GPC5: variants seen among roughly 807,000 people sequenced by gnomAD.
GPC5 encodes the protein glypican 5.
A neutral mutation model predicts 53.9 loss-of-function variants in GPC5; 47 were observed. The observed-to-expected ratio is 0.87, with a 90% confidence interval of 0.69 to 1.11. The LOEUF is 1.11. GPC5 is among the 50% of genes most tolerant of loss of function. The pLI, the probability that GPC5 is intolerant of heterozygous loss-of-function variation, is 0.00. For missense variants in GPC5, 748 were observed against 713.1 expected, an observed-to-expected ratio of 1.05 and a Z score of -0.56; for synonymous variants, 286 against 263.3, an observed-to-expected ratio of 1.09 and a Z score of -0.84.
At position 91,989,368 on chromosome 13, in the gene GPC5, C is replaced by T. The variant is rs543197431; in HGVS notation, c.1401+81311C>T. 7.2e-5 allele frequency among the ~76,000 whole-genome samples: 11 copies of T among 152,270 alleles called. No individual in the cohort carries two copies. The South Asian group carries it at 2.1e-3, about 29-fold the overall frequency. On this transcript the variant is annotated intron_variant, in intron 6 of 7. Transcript: ENST00000377067. ...GTAAGATGAATATGATGGCCTTTGA[C>T]GTATACTGCAATGTTGTAATCAAAA...
chr13:92,015,497 T>C (rs1271783899), intron 6 of GPC5, among the ~76,000 whole-genome samples: 1 of 152,090 alleles, frequency 6.6e-6, no homozygotes, highest in African/African-American at 2.4e-5. Flanking sequence ...GTAAGTAAAT[T>C]GAAAAGCAAA....
chr13:92,684,358 C>G (rs1887195873), intron 7 of GPC5, among the ~76,000 whole-genome samples: 2 of 152,098 alleles, frequency 1.3e-5, no homozygotes, highest in South Asian at 4.1e-4. Context: ...ACAACCTCCA[C>G]CTCCTGGGCT....
intron 2 of GPC5, among the ~76,000 whole-genome samples, chr13:91,508,579 T>G (rs1452511293): frequency 6.6e-6 from 1 of 152,112 alleles, no homozygotes; most frequent in Non-Finnish European, 1.5e-5. Context: ...GGACATGAAG[T>G]TCTATTTATT....
chr13:92,197,005 C>T (rs1040859638), intron 7 of GPC5, among the ~76,000 whole-genome samples: 1 of 152,142 alleles, frequency 6.6e-6, no homozygotes, highest in Non-Finnish European at 1.5e-5. Flanking sequence ...CAATATGAAT[C>T]GTGCAACAAA....
chr13:92,745,893 T>C (rs1054327036), intron 7 of GPC5, among the ~76,000 whole-genome samples: 1 of 152,132 alleles, frequency 6.6e-6, no homozygotes, highest in Non-Finnish European at 1.5e-5. Context: ...TCTTATATTA[T>C]TGGATAACAT....
At position 91,967,027 on chromosome 13, in the gene GPC5, G is replaced by A. The variant is rs371830403; in HGVS notation, c.1401+58970G>A. Among the ~76,000 whole-genome samples, 16 of 152,262 alleles carry A rather than the reference G, an allele frequency of 1.1e-4. No homozygotes were observed. In the East Asian group the frequency reaches 3.1e-3, roughly 29 times the overall value. ...TCACGCTACTGATAAAGATATACCT[G>A]AGACTGAGTAATTTATAAAGAAAAA... is the stretch of plus-strand genomic sequence containing the variant. On this transcript the variant is annotated intron_variant, in intron 6 of 7. Transcript: ENST00000377067.
intron 2 of GPC5, among the ~76,000 whole-genome samples, chr13:91,667,515 C>G (rs1324093645): frequency 6.6e-6 from 1 of 152,172 alleles, no homozygotes; most frequent in African/African-American, 2.4e-5. Context: ...CTGCAGCTGT[C>G]AGACTGCTAG....
At chr13:91,953,290 G>C (rs1012751316) in intron 6 of GPC5, among the ~76,000 whole-genome samples, 1 of 152,102 alleles carries the variant, frequency 6.6e-6, no homozygotes, top group Admixed American at 6.5e-5. Context: ...TTGAAGTTAG[G>C]AGTTATTTTT....
intron 7 of GPC5, among the ~76,000 whole-genome samples, chr13:92,353,689 G>A (rs1343235070): frequency 6.6e-6 from 1 of 152,150 alleles, no homozygotes; most frequent in Non-Finnish European, 1.5e-5. Flanking sequence ...ATGCACAAAA[G>A]TTTAAGATTA....
chr13:92,445,724 G>A lies in GPC5; in HGVS notation c.1561+300735G>A, dbSNP rs370828606. Among the ~76,000 whole-genome samples, 66 of 151,850 alleles carry A rather than the reference G, an allele frequency of 4.3e-4. 1 individual carries two copies. The East Asian group carries it at 5.1e-3, about 12-fold the overall frequency. ...TTAATCCAGTCTATCATTGTTGGACGTTTGGGTTGGTTCCAAGTCTTTGCT... is the reference window on the plus strand; with the variant it reads ...TTAATCCAGTCTATCATTGTTGGACATTTGGGTTGGTTCCAAGTCTTTGCT... On this transcript the variant is annotated intron_variant, in intron 7 of 7. Transcript: ENST00000377067.
chr13:91,718,687 A>C (rs1012760634), intron 3 of GPC5, among the ~76,000 whole-genome samples: 1 of 152,166 alleles, frequency 6.6e-6, no homozygotes, highest in Non-Finnish European at 1.5e-5. Flanking sequence ...ACAGTTTGGA[A>C]TTCTACCCCC....
intron 4 of GPC5, among the ~76,000 whole-genome samples, chr13:91,754,377 C>T (rs2037244075): frequency 1.3e-5 from 2 of 152,008 alleles, no homozygotes; most frequent in African/African-American, 2.4e-5. Flanking sequence ...AAGGCAATGG[C>T]AGTATAGCCG....
At chr13:91,685,351 C>T (rs955677266) in intron 2 of GPC5, among the ~76,000 whole-genome samples, 12 of 152,172 alleles carry the variant, frequency 7.9e-5, no homozygotes, top group African/African-American at 2.9e-4. Context: ...TTTGCCCAAA[C>T]CAGTTTGTCC....
intron 7 of GPC5, among the ~76,000 whole-genome samples, chr13:92,628,870 A>C (rs1159368362): frequency 6.6e-6 from 1 of 152,188 alleles, no homozygotes; most frequent in African/African-American, 2.4e-5. Flanking sequence ...ATATCACCAG[A>C]GGGCTTCAAA....
intron 6 of GPC5, among the ~76,000 whole-genome samples, chr13:92,028,631 G>T (rs2040818569): frequency 6.6e-6 from 1 of 151,996 alleles, no homozygotes; most frequent in Non-Finnish European, 1.5e-5. Context: ...CATATTTTAT[G>T]TTTGTATTTT....
intron 6 of GPC5, among the ~76,000 whole-genome samples, chr13:92,138,133 C>T (rs1357015303): frequency 6.6e-6 from 1 of 152,046 alleles, no homozygotes; most frequent in African/African-American, 2.4e-5. Context: ...ATATATGGGA[C>T]AGCTATTCAT....
At chr13:91,754,532 A>C (rs1176414455) in intron 4 of GPC5, among the ~76,000 whole-genome samples, 1 of 152,076 alleles carries the variant, frequency 6.6e-6, no homozygotes, top group South Asian at 2.1e-4. Flanking sequence ...ATCAATTTAA[A>C]AGTCTCAACA....
chr13:92,414,151 A>G (rs566869221), intron 7 of GPC5, among the ~76,000 whole-genome samples: 1 of 152,256 alleles, frequency 6.6e-6, no homozygotes, highest in Admixed American at 6.5e-5. Context: ...CACTTTCCTC[A>G]TTAAGCTTAC....
intron 7 of GPC5, among the ~76,000 whole-genome samples, chr13:92,759,057 T>C (rs1398252445): frequency 6.7e-6 from 1 of 149,050 alleles, no homozygotes; most frequent in African/African-American, 2.5e-5. Context: ...ACCATGTATG[T>C]TTGGACTATT....
Sources: gnomAD v4.1 joint callset for allele counts (sites outside exome capture counted in the v4.1 genomes callset) on GRCh38, gnomAD v4.1.1 for gene constraint, MANE v1.5 for transcripts, NCBI Gene and HGNC (gene_info 2026-07-23, HGNC 2026-07-21) for gene names.